Variants in SGCD observed in about 807,000 individuals in gnomAD.
SGCD encodes sarcoglycan delta, also known as delta-sarcoglycan.
Under a neutral mutation model 36.6 loss-of-function variants are expected in SGCD, and 18 were observed. That is an observed-to-expected ratio of 0.49 (90% confidence interval 0.34 to 0.73). SGCD has a LOEUF of 0.73. Ranked by LOEUF, SGCD falls within the 30% of genes least tolerant of loss-of-function variation. SGCD has a pLI of 0.01. For synonymous variants in SGCD, 133 were observed against 130.6 expected, an observed-to-expected ratio of 1.02 and a Z score of -0.12; for missense variants, 387 against 346.7, an observed-to-expected ratio of 1.12 and a Z score of -0.92.
chr5:155,806,685 A>G, the SGCD span, among the ~76,000 whole-genome samples: 1 of 152,206 alleles, frequency 6.6e-6, no homozygotes, highest in Non-Finnish European at 1.5e-5. Context: ...AGTTATTTCC[A>G]TGAACAGTTT....
chr5:155,919,454 A>G (rs2113372018), intron 1 of SGCD, among the ~76,000 whole-genome samples: 1 of 152,274 alleles, frequency 6.6e-6, no homozygotes, highest in African/African-American at 2.4e-5. Flanking sequence ...TCTTCCACCT[A>G]CTTATTCCTC....
intron 3 of SGCD, among the ~76,000 whole-genome samples, chr5:156,140,500 C>T (rs1411121255): frequency 6.6e-6 from 1 of 152,208 alleles, no homozygotes; most frequent in East Asian, 1.9e-4. Context: ...TTCTTATACA[C>T]TGGCAAAGAA....
chr5:156,439,629 A>G (rs945350824), intron 3 of SGCD, among the ~76,000 whole-genome samples: 8 of 151,812 alleles, frequency 5.3e-5, no homozygotes, highest in Admixed American at 3.9e-4. Flanking sequence ...CGCTTTATAC[A>G]TGAGAAGAGT....
chr5:156,285,658 T>C lies in SGCD; in HGVS notation c.-43-43876T>C, dbSNP rs748199756. 4.6e-4 allele frequency among the ~76,000 whole-genome samples: 70 copies of C among 152,254 alleles called. 1 individual carries two copies. Among genetic ancestry groups the C allele is most frequent in the Admixed American group, 1.7e-3 (26 of 15,286 alleles). On this transcript the variant is annotated intron_variant, in intron 3 of 9. Transcript: ENST00000517913. ...GAAACTGGATCCCTTCCTTACACCT[T>C]ACACAAAAATTAATTCAAGATGGAT...
the SGCD span, among the ~76,000 whole-genome samples, chr5:155,831,137 A>G: frequency 2.6e-5 from 4 of 152,200 alleles, no homozygotes; most frequent in African/African-American, 4.8e-5. Flanking sequence ...GAGCTTGTAT[A>G]TGACTTCAAC....
intron 7 of SGCD, among the ~76,000 whole-genome samples, chr5:156,671,272 C>CTT (rs35299523): frequency 0.055 from 5,702 of 104,378 alleles, 316 homozygotes; most frequent in East Asian, 0.21. Context: ...TCTATTGATT[C>CTT]TTTTTTTTTT....
intron 4 of SGCD, among the ~76,000 whole-genome samples, chr5:156,546,009 A>G (rs778761254): frequency 1.3e-5 from 2 of 152,180 alleles, no homozygotes; most frequent in Non-Finnish European, 2.9e-5. Context: ...GATTTCTAAA[A>G]CTATCAAGAA....
chr5:156,163,658 C>T (rs1156790286), intron 3 of SGCD, among the ~76,000 whole-genome samples: 2 of 151,532 alleles, frequency 1.3e-5, no homozygotes, highest in African/African-American at 2.4e-5. Flanking sequence ...CCAGGCATCA[C>T]TCAACAGGCA....
the SGCD span, among the ~76,000 whole-genome samples, chr5:155,789,358 G>A: frequency 6.6e-6 from 1 of 151,954 alleles, no homozygotes; most frequent in Admixed American, 6.6e-5. Context: ...TGCAGCTTTA[G>A]GCTTTTCTCT....
intron 1 of SGCD, among the ~76,000 whole-genome samples, chr5:156,022,037 T>C (rs1211943983): frequency 6.6e-6 from 1 of 152,152 alleles, no homozygotes; most frequent in Non-Finnish European, 1.5e-5. Flanking sequence ...TTTCCCCTAC[T>C]CATGCCCCCA....
intron 4 of SGCD, among the ~76,000 whole-genome samples, chr5:156,580,590 G>A (rs1447079355): frequency 2.0e-5 from 3 of 152,152 alleles, no homozygotes; most frequent in African/African-American, 7.2e-5. Flanking sequence ...TGGAGGCTTT[G>A]TTCGTTTCTC....
chr5:156,512,029 A>G (rs1159737743), intron 4 of SGCD, among the ~76,000 whole-genome samples: 1 of 152,040 alleles, frequency 6.6e-6, no homozygotes, highest in African/African-American at 2.4e-5. Context: ...CCCTGTCTCT[A>G]CTAAGAATAC....
chr5:156,018,086 G>A (rs1759023310), intron 1 of SGCD, among the ~76,000 whole-genome samples: 1 of 152,126 alleles, frequency 6.6e-6, no homozygotes, highest in Non-Finnish European at 1.5e-5. Context: ...CTTGAGCCTA[G>A]GAGGTCAAGG....
chr5:156,759,187 A>G (rs963018679), intron 8 of SGCD, 30 bp from the exon 9 acceptor site: 1 of 1,591,692 alleles, frequency 6.3e-7, no homozygotes, highest in Non-Finnish European at 8.6e-7. Context: ...GCCTCTGACC[A>G]ATGCTTTCCT....
At chr5:156,428,749 T>G (rs1773784900) in intron 3 of SGCD, among the ~76,000 whole-genome samples, 1 of 152,064 alleles carries the variant, frequency 6.6e-6, no homozygotes, top group South Asian at 2.1e-4. Context: ...TATTATTCAT[T>G]TCAAATAATT....
chr5:156,379,124 CAAAATA>C (rs1770839658), intron 3 of SGCD, among the ~76,000 whole-genome samples: 1 of 151,774 alleles, frequency 6.6e-6, no homozygotes, highest in South Asian at 2.1e-4. Flanking sequence ...TCCAAAGATG[CAAAATA>C]AAAATAAAAA....
chr5:156,584,384 G>A (rs185118456), intron 4 of SGCD, among the ~76,000 whole-genome samples: 1 of 152,348 alleles, frequency 6.6e-6, no homozygotes, highest in African/African-American at 2.4e-5. Context: ...ACTCAGTTAA[G>A]TGTCTATGCC....
intron 7 of SGCD, among the ~76,000 whole-genome samples, chr5:156,657,628 T>C (rs1248104100): frequency 1.3e-5 from 2 of 151,930 alleles, no homozygotes; most frequent in Middle Eastern, 3.4e-3. Flanking sequence ...CTGGGTGTGG[T>C]GGTGCATGCC....
the SGCD span, among the ~76,000 whole-genome samples, chr5:155,849,090 C>A: frequency 6.6e-6 from 1 of 152,034 alleles, no homozygotes; most frequent in Admixed American, 6.6e-5. Flanking sequence ...ACATAAGGAA[C>A]CAAATTACCT....
Sources: gnomAD v4.1 joint callset for allele counts (sites outside exome capture counted in the v4.1 genomes callset) on GRCh38, gnomAD v4.1.1 for gene constraint, MANE v1.5 for transcripts, NCBI Gene and HGNC (gene_info 2026-07-23, HGNC 2026-07-21) for gene names.